SMC5: variants seen among roughly 807,000 people sequenced by gnomAD.
The protein encoded by SMC5 is structural maintenance of chromosomes protein 5.
A neutral mutation model predicts 148.3 loss-of-function variants in SMC5; 88 were observed. The observed-to-expected ratio is 0.59, with a 90% CI of 0.50 to 0.71. The LOEUF (loss-of-function observed/expected upper bound fraction) is 0.71. Ranked by LOEUF, SMC5 falls within the 30% of genes least tolerant of loss-of-function variation. The pLI is 0.00. For synonymous variants in SMC5, 421 were observed against 432.8 expected (o/e 0.97, Z 0.34); for missense variants, 1,142 against 1,298.9 (o/e 0.88, Z 1.86).
chr9:70,307,164 A>T (rs913129310), intron 11 of SMC5, among the ~76,000 whole-genome samples: 10 of 152,194 alleles, frequency 6.6e-5, no homozygotes, highest in Non-Finnish European at 1.5e-5. Flanking sequence ...AGGCCAAGGC[A>T]GACAGATCAC....
chr9:70,327,636 G>A (rs2036115186), intron 17 of SMC5, among the ~76,000 whole-genome samples: 1 of 152,170 alleles, frequency 6.6e-6, no homozygotes, highest in South Asian at 2.1e-4. Flanking sequence ...ACATGATGAA[G>A]AGAAGTTTAT....
intron 1 of SMC5, among the ~76,000 whole-genome samples, chr9:70,260,219 C>G (rs2034074529): frequency 6.6e-6 from 1 of 152,008 alleles, no homozygotes; most frequent in Non-Finnish European, 1.5e-5. Context: ...ATTCTCCTGC[C>G]TCAGCCTCCC....
intron 8 of SMC5, among the ~76,000 whole-genome samples, chr9:70,288,705 T>A (rs1480394540): frequency 6.6e-6 from 1 of 152,172 alleles, no homozygotes; most frequent in African/African-American, 2.4e-5. Flanking sequence ...TCGTTTGAGG[T>A]TACCTAGCAG....
At chr9:70,331,205 G>A (rs1052179860) in intron 17 of SMC5, among the ~76,000 whole-genome samples, 4 of 151,960 alleles carry the variant, frequency 2.6e-5, no homozygotes, top group African/African-American at 9.7e-5. Context: ...CAGTTTCTTA[G>A]TTGCTTTAGC....
intron 22 of SMC5, among the ~76,000 whole-genome samples, chr9:70,348,690 CAA>C (rs946771234): frequency 3.8e-5 from 5 of 132,052 alleles, no homozygotes; most frequent in Admixed American, 7.6e-5. Context: ...GACCTTGTCT[CAA>C]AAAAAAAAAA....
chr9:70,344,049 C>T, intron 17 of SMC5, 95 bp from the exon 18 acceptor site: 1 of 667,658 alleles, frequency 1.5e-6, no homozygotes, highest in Non-Finnish European at 2.2e-6. Context: ...TCATTATAAT[C>T]AGAATTCAAC....
chr9:70,259,927 C>CT (rs199684583), intron 1 of SMC5, among the ~76,000 whole-genome samples: 1,849 of 133,676 alleles, frequency 0.014, 26 homozygotes, highest in African/African-American at 0.042. Context: ...TGTTCCAGGT[C>CT]TTTTTTTTTT....
At chr9:70,259,423 G>A (rs531192690) in intron 1 of SMC5, among the ~76,000 whole-genome samples, 160 bp downstream of exon 1, 1 of 152,334 alleles carries the variant, frequency 6.6e-6, no homozygotes, top group African/African-American at 2.4e-5. Context: ...TCCTACGTAG[G>A]CTGTGGAGAT....
intron 10 of SMC5, 140 bp downstream of exon 10, chr9:70,300,340 C>A: frequency 1.5e-6 from 1 of 679,812 alleles, no homozygotes; most frequent in Non-Finnish European, 2.3e-6. Context: ...TGAATCTATA[C>A]ATGAGCTTTT....
rs1016087818 is a variant in SMC5 at position 70,259,008 on chromosome 9, A to T, written c.-71A>T. The T allele has an allele frequency of 6.8e-7, 1 of 1,479,606 alleles. No individual in the cohort carries two copies. Among genetic ancestry groups the T allele is most frequent in the South Asian group, 1.4e-5 (1 of 72,926 alleles). 91.7% of individuals were successfully genotyped at this position (1,479,606 alleles called of 1,614,324 possible). The stretch of plus-strand genomic sequence containing the variant: ...GCGCGGGAGCGGGGCGCCTGGGTGG[A>T]TGGGCGCTTGGGCGCCTGGGCTGCC... On this transcript the variant is annotated 5_prime_UTR_variant, in exon 1 of 25. It removes an upstream start codon present in the reference 5' UTR. Coordinates refer to ENST00000361138, the MANE Select transcript of SMC5 (RefSeq NM_015110.4).
chr9:70,294,408 C>G (rs2035142405), intron 8 of SMC5, among the ~76,000 whole-genome samples: 1 of 152,128 alleles, frequency 6.6e-6, no homozygotes, highest in Non-Finnish European at 1.5e-5. Context: ...GAAGGTATAT[C>G]AATAGGTTTA....
At chr9:70,345,715 A>G (rs1255459734) in intron 18 of SMC5, among the ~76,000 whole-genome samples, 1 of 152,096 alleles carries the variant, frequency 6.6e-6, no homozygotes, top group Non-Finnish European at 1.5e-5. Flanking sequence ...TTAAGGTTGT[A>G]TTCTTTTGGG....
At chr9:70,346,496 A>T in intron 18 of SMC5, 109 bp from the exon 19 acceptor site, 2 of 1,063,536 alleles carry the variant, frequency 1.9e-6, no homozygotes, top group Non-Finnish European at 2.9e-6. Flanking sequence ...TGTCAAAGTA[A>T]TTAGATTCTC....
chr9:70,330,164 C>CT (rs992259708), intron 17 of SMC5, among the ~76,000 whole-genome samples: 1 of 152,164 alleles, frequency 6.6e-6, no homozygotes, highest in African/African-American at 2.4e-5. Context: ...AAATTGCAGT[C>CT]TAAGTCGCTA....
At chr9:70,329,951 A>G (rs535054112) in intron 17 of SMC5, among the ~76,000 whole-genome samples, 1 of 152,216 alleles carries the variant, frequency 6.6e-6, no homozygotes, top group South Asian at 2.1e-4. Flanking sequence ...GCGGTGAGAG[A>G]GAAGGGGGAA....
chr9:70,283,976 C>A (rs1034485268), intron 7 of SMC5, among the ~76,000 whole-genome samples: 8 of 152,128 alleles, frequency 5.3e-5, no homozygotes, highest in Non-Finnish European at 1.2e-4. Flanking sequence ...TCTTCGATTT[C>A]TAGATGTGAT....
intron 17 of SMC5, 124 bp from the exon 18 acceptor site, chr9:70,344,020 G>A (rs1373746528): frequency 1.8e-6 from 1 of 561,622 alleles, no homozygotes; most frequent in South Asian, 5.5e-5. Flanking sequence ...TTAAGAAACA[G>A]TTTCAGATAA....
At chr9:70,281,544 G>A (rs547218355) in intron 6 of SMC5, among the ~76,000 whole-genome samples, 29 of 152,192 alleles carry the variant, frequency 1.9e-4, no homozygotes, top group Admixed American at 3.3e-4. Flanking sequence ...CTACAGTTCG[G>A]GTTAAAGATT....
At chr9:70,268,319 G>A (rs2034348407) in intron 3 of SMC5, among the ~76,000 whole-genome samples, 1 of 152,148 alleles carries the variant, frequency 6.6e-6, no homozygotes, top group Admixed American at 6.5e-5. Context: ...GGTGGCACAT[G>A]CCTGTAATCC....
Sources: allele counts gnomAD v4.1 joint callset (sites outside exome capture counted in the v4.1 genomes callset), GRCh38; gene constraint gnomAD v4.1.1; transcripts MANE v1.5; gene names NCBI Gene and HGNC (gene_info 2026-07-23, HGNC 2026-07-21).